RGS6: variants seen among roughly 807,000 people sequenced by gnomAD.
RGS6 encodes regulator of G protein signaling 6, also known as regulator of G-protein signaling 6.
In RGS6, 30 loss-of-function variants were observed where a neutral mutation model predicts 78.5. The ratio of observed to expected loss-of-function variants is 0.38; its 90% confidence interval spans 0.29 to 0.52. RGS6 has a LOEUF of 0.52. Ranked by LOEUF, RGS6 falls within the 20% of genes least tolerant of loss-of-function variation. The pLI is 0.85. For synonymous variants in RGS6, 206 were observed against 206.0 expected, an observed-to-expected ratio of 1.00 and a Z score of 0.00; for missense variants, 495 against 609.7, an observed-to-expected ratio of 0.81 and a Z score of 1.98.
chr14:71,956,621 T>C (rs527342324), intron 1 of RGS6, among the ~76,000 whole-genome samples: 1 of 152,242 alleles, frequency 6.6e-6, no homozygotes, highest in South Asian at 2.1e-4. Context: ...TTTCTCTGAC[T>C]GCTTTATATT....
chr14:72,251,669 G>T lies in RGS6; in HGVS notation c.85-100426G>T, dbSNP rs535309253. 2.6e-5 allele frequency among the ~76,000 whole-genome samples: 4 copies of T among 152,232 alleles called. No homozygotes were observed. In the South Asian group the frequency reaches 6.2e-4, roughly 24 times the overall value. On this transcript the variant is annotated intron_variant, in intron 2 of 17. Coordinates refer to ENST00000553525, the MANE Select transcript of RGS6 (RefSeq NM_001204424.2). The stretch of plus-strand genomic sequence containing the variant: ...GAGAGCTAAATGTTGAAAATATGTG[G>T]ACATAAAGATGGGAACAATCGACAC...
At chr14:72,355,981 T>C (rs2080185580) in intron 3 of RGS6, among the ~76,000 whole-genome samples, 1 of 152,184 alleles carries the variant, frequency 6.6e-6, no homozygotes, top group Non-Finnish European at 1.5e-5. Context: ...CTTGATCACT[T>C]AGCCTCTTAT....
chr14:72,314,850 T>A (rs547516565), intron 2 of RGS6, among the ~76,000 whole-genome samples: 1 of 152,344 alleles, frequency 6.6e-6, no homozygotes, highest in South Asian at 2.1e-4. Context: ...AAAACAGAGA[T>A]AATGTGGCTT....
At chr14:72,414,256 CTTTG>C (rs1204750680) in intron 3 of RGS6, among the ~76,000 whole-genome samples, 9 of 152,130 alleles carry the variant, frequency 5.9e-5, no homozygotes, top group African/African-American at 1.2e-4. Flanking sequence ...TTCTTGGAGA[CTTTG>C]TTTGTTTTTA....
chr14:72,033,553 C>T (rs1022272314), intron 2 of RGS6, among the ~76,000 whole-genome samples: 2 of 152,108 alleles, frequency 1.3e-5, no homozygotes, highest in African/African-American at 4.8e-5. Context: ...GGTTATTTAC[C>T]CTCATGATCA....
the RGS6 span, among the ~76,000 whole-genome samples, chr14:71,873,029 T>G: frequency 1.3e-5 from 2 of 152,230 alleles, no homozygotes; most frequent in Non-Finnish European, 2.9e-5. Context: ...ATTTTCTTAA[T>G]CTAGTCTATC....
intron 2 of RGS6, among the ~76,000 whole-genome samples, chr14:71,992,462 A>G (rs555551982): frequency 6.6e-5 from 10 of 152,254 alleles, no homozygotes; most frequent in African/African-American, 1.4e-4. Flanking sequence ...CGTTTGTTCT[A>G]TTTGCATTCT....
At chr14:72,289,667 G>A (rs2063229399) in intron 2 of RGS6, among the ~76,000 whole-genome samples, 1 of 152,154 alleles carries the variant, frequency 6.6e-6, no homozygotes, top group Non-Finnish European at 1.5e-5. Context: ...GCTATCAAAT[G>A]TCAAAGGTGA....
chr14:72,165,903 A>G (rs1320720998), intron 2 of RGS6, among the ~76,000 whole-genome samples: 1 of 152,216 alleles, frequency 6.6e-6, no homozygotes, highest in Non-Finnish European at 1.5e-5. Context: ...CAATGCACTG[A>G]TAAAATTCTG....
intron 2 of RGS6, among the ~76,000 whole-genome samples, chr14:72,351,264 C>A (rs918076986): frequency 6.6e-6 from 1 of 152,168 alleles, no homozygotes; most frequent in South Asian, 2.1e-4. Flanking sequence ...TTACAGAATT[C>A]TTTCTGTATC....
At chr14:71,953,968 C>CT (rs1566900548) in intron 1 of RGS6, among the ~76,000 whole-genome samples, 1 of 7,010 alleles carries the variant, frequency 1.4e-4, no homozygotes, top group African/African-American at 6.5e-4. Context: ...TCTAAGTGGG[C>CT]GTTTTTTTTT....
intron 3 of RGS6, among the ~76,000 whole-genome samples, chr14:72,391,737 A>C (rs2090036817): frequency 6.6e-6 from 1 of 152,066 alleles, no homozygotes; most frequent in Non-Finnish European, 1.5e-5. Flanking sequence ...TCTTAATACT[A>C]TCTCTCCCCT....
chr14:72,122,611 T>C (rs1362032717), intron 2 of RGS6, among the ~76,000 whole-genome samples: 1 of 152,158 alleles, frequency 6.6e-6, no homozygotes, highest in Non-Finnish European at 1.5e-5. Flanking sequence ...GGAGGTTCTC[T>C]AGGAATTTTG....
chr14:72,458,369 C>T lies in RGS6; in HGVS notation c.334C>T (p.Arg112Cys), dbSNP rs2095687473. The change falls in exon 5 of 18, where the codon CGT (arginine) becomes TGT (cysteine). Residue 112 changes from arginine (R) to cysteine (C), a missense_variant. By Grantham distance (180) the Arg-to-Cys change is radical. Coordinates refer to ENST00000553525, the MANE Select transcript of RGS6 (RefSeq NM_001204424.2). Reference sequence around the variant, plus strand: ...CATGAAGGATGATGGCACCTTTTATCGTTTCCAGGTAAGCCTGCTGGCTCC... The same window carrying T: ...CATGAAGGATGATGGCACCTTTTATTGTTTCCAGGTAAGCCTGCTGGCTCC... Reference protein sequence around the residue: ...LTMKDDGTFYRFQAPYFWPSN... With the variant: ...LTMKDDGTFYCFQAPYFWPSN... 3.7e-6 allele frequency: 6 copies of T among 1,613,126 alleles called. No homozygotes were observed. Among genetic ancestry groups the T allele is most frequent in the African/African-American group, 1.3e-5 (1 of 74,892 alleles).
chr14:71,918,044 G>A, the RGS6 span, among the ~76,000 whole-genome samples: 2 of 151,710 alleles, frequency 1.3e-5, no homozygotes, highest in Non-Finnish European at 2.9e-5. Context: ...AGCCGGGCGT[G>A]GTGGCGGGCG....
rs10658025 is a variant in RGS6, at chr14:72,353,982, T to TCAACAA, written c.184+1790_184+1791insACAACA. Among the ~76,000 whole-genome samples, 737 of 148,780 alleles carry TCAACAA rather than the reference T, an allele frequency of 5.0e-3. 8 individuals are homozygous for TCAACAA. The highest frequency in any genetic ancestry group is 0.016 in the African/African-American group (671 of 41,008). ...CTGGGTAACAGAGCGAGACTCTGTC[T>TCAACAA]CAGCAACAACAACAACAACAACAGA... is the stretch of plus-strand genomic sequence containing the variant. On this transcript the variant is annotated intron_variant, in intron 3 of 17. Transcript: ENST00000553525.
chr14:72,374,869 T>G (rs1304967542), intron 3 of RGS6, among the ~76,000 whole-genome samples: 3 of 152,176 alleles, frequency 2.0e-5, no homozygotes, highest in African/African-American at 7.2e-5. Flanking sequence ...GTACTGGAAG[T>G]ATGTTGAAGA....
chr14:71,945,076 T>C (rs1488308665), intron 1 of RGS6, among the ~76,000 whole-genome samples: 2 of 152,192 alleles, frequency 1.3e-5, no homozygotes, highest in Non-Finnish European at 2.9e-5. Flanking sequence ...CTGTAATTGG[T>C]TATTAAAACA....
the RGS6 span, among the ~76,000 whole-genome samples, chr14:71,917,489 G>C: frequency 6.6e-6 from 1 of 152,186 alleles, no homozygotes; most frequent in Admixed American, 6.5e-5. Context: ...CTGATGTCAA[G>C]CAACAGGAGG....
Sources: allele counts gnomAD v4.1 joint callset (sites outside exome capture counted in the v4.1 genomes callset), GRCh38; gene constraint gnomAD v4.1.1; transcripts MANE v1.5; gene names NCBI Gene and HGNC (gene_info 2026-07-23, HGNC 2026-07-21).